GNAI1: variants seen among roughly 807,000 people sequenced by gnomAD.
The protein encoded by GNAI1 is G protein subunit alpha i1.
GNAI1 carries 11 observed loss-of-function variants against 38.9 expected under a neutral mutation model. That is an observed-to-expected ratio of 0.28 (90% CI 0.18 to 0.47). The LOEUF (loss-of-function observed/expected upper bound fraction) is 0.47, where lower values mean the gene tolerates loss of function less well. Among genes scored for constraint, GNAI1 ranks in the 20% least tolerant of loss-of-function variants. GNAI1 has a pLI of 0.99. For missense variants in GNAI1, 317 were observed against 436.9 expected (o/e 0.73, Z 2.45); for synonymous variants, 166 against 145.1 (o/e 1.14, Z -1.04).
At chr7:80,202,339 C>T (rs1051627174) in intron 4 of GNAI1, among the ~76,000 whole-genome samples, 6 of 152,134 alleles carry the variant, frequency 3.9e-5, no homozygotes, top group Admixed American at 1.3e-4. Context: ...CCGCCCACCT[C>T]GGCCTCACAA....
rs1358153971 is a variant in GNAI1 at position 80,135,326 on chromosome 7, C to T, written c.118+48C>T. ...CCGGGGGTCGGCGGGGGACCGGGTG[C>T]GGCGCTGCGCGGCCCTCGGCGTTTG... On this transcript the variant is annotated intron_variant, in intron 1 of 7. Transcript: ENST00000649796. 8 of 1,079,136 alleles carry T rather than the reference C, an allele frequency of 7.4e-6. No homozygotes were observed. In the South Asian group the frequency reaches 1.1e-4, roughly 15 times the overall value. 66.8% of individuals were successfully genotyped at this position (1,079,136 alleles called of 1,614,324 possible).
intron 1 of GNAI1, among the ~76,000 whole-genome samples, chr7:80,168,529 A>T (rs1788049671): frequency 1.3e-5 from 2 of 152,210 alleles, no homozygotes; most frequent in South Asian, 2.1e-4. Context: ...CTGGGACTAC[A>T]GGTGCCCGCC....
In GNAI1 at chr7:80,223,818, G is replaced by C. The variant is rs189811330; in HGVS notation, c.*6325G>C. 2.5e-3 allele frequency among the ~76,000 whole-genome samples: 379 copies of C among 152,254 alleles called. 1 individual carries two copies. In the Middle Eastern group the frequency reaches 0.027, roughly 11 times the overall value. On this transcript the variant is annotated 3_prime_UTR_variant, in exon 8 of 8. Coordinates refer to ENST00000649796, the MANE Select transcript of GNAI1 (RefSeq NM_002069.6). ...AACTTTTTTGCAGACTTGAGCATAC[G>C]TTTAAACCATTTAACCATTCTTGAA...
rs759678314 is a variant in GNAI1, at chr7:80,203,678, ATGT to A, written c.462-21_462-19del. ...TTTATTGGCTATATTTACCATTAAC[ATGT>A]TGTTTTGTTTAATTTTTTTCAGCTA... On this transcript the variant is annotated intron_variant, in intron 4 of 7. Transcript: ENST00000649796. 3.4e-6 allele frequency: 5 copies of A among 1,476,558 alleles called. No individual in the cohort carries two copies. The African/African-American group carries it at 5.6e-5, about 17-fold the overall frequency. 91.5% of individuals were successfully genotyped at this position (1,476,558 alleles called of 1,614,324 possible). A position where few individuals can be genotyped will look rare whatever the true frequency, so the allele number is the denominator to read the frequency against.
intron 1 of GNAI1, among the ~76,000 whole-genome samples, chr7:80,180,714 T>G (rs900554050): frequency 5.9e-5 from 9 of 152,290 alleles, no homozygotes; most frequent in Admixed American, 4.6e-4. Context: ...TGGATTTGTC[T>G]GCAGTTACGA....
chr7:80,221,610 TATTTTAATGTTAGGTTGGAA>T lies in GNAI1; in HGVS notation c.*4123_*4142del, dbSNP rs1789075464. ...GTAACCAATAGTATGAGAGAGTTTA[TATTTTAATGTTAGGTTGGAA>T]ATTTTCTTTTTTTTTTTTTTTTTTT... On this transcript the variant is annotated 3_prime_UTR_variant, in exon 8 of 8. Coordinates refer to ENST00000649796, the MANE Select transcript of GNAI1 (RefSeq NM_002069.6). Among the ~76,000 whole-genome samples, 1 of 151,382 alleles carries T rather than the reference TATTTTAATGTTAGGTTGGAA, an allele frequency of 6.6e-6. No homozygotes were observed. The highest frequency in any genetic ancestry group is 1.5e-5 in the Non-Finnish European group (1 of 67,900).
intron 1 of GNAI1, among the ~76,000 whole-genome samples, chr7:80,177,024 CTTT>C (rs569135086): frequency 5.4e-4 from 33 of 61,202 alleles, no homozygotes; most frequent in East Asian, 2.6e-3. Context: ...GACAGCATAT[CTTT>C]TTTTTTTTTT....
chr7:80,183,980 C>T (rs1179344200), intron 1 of GNAI1, among the ~76,000 whole-genome samples: 1 of 152,072 alleles, frequency 6.6e-6, no homozygotes, highest in African/African-American at 2.4e-5. Flanking sequence ...TGTGATGGTG[C>T]TCCTTTGTCC....
At chr7:80,173,023 T>C (rs1469301938) in intron 1 of GNAI1, among the ~76,000 whole-genome samples, 2 of 152,176 alleles carry the variant, frequency 1.3e-5, no homozygotes, top group African/African-American at 4.8e-5. Flanking sequence ...TTCCTAGCCT[T>C]TCTTGAAGCA....
chr7:80,150,726 A>G (rs1235812772), intron 1 of GNAI1, among the ~76,000 whole-genome samples: 1 of 152,204 alleles, frequency 6.6e-6, no homozygotes, highest in Non-Finnish European at 1.5e-5. Context: ...TATTTCGTAA[A>G]TAAACAGAAC....
chr7:80,135,346 C>A, intron 1 of GNAI1, 68 bp downstream of exon 1: 2 of 941,774 alleles, frequency 2.1e-6, no homozygotes, highest in Non-Finnish European at 2.9e-6. Context: ...CGGCCCTCGG[C>A]GTTTGGAAAC....
chr7:80,153,066 A>T (rs1166319029), intron 1 of GNAI1, among the ~76,000 whole-genome samples: 1 of 152,186 alleles, frequency 6.6e-6, no homozygotes, highest in Non-Finnish European at 1.5e-5. Context: ...TTTTAACATC[A>T]TTACTTTCCC....
chr7:80,200,884 C>A (rs1788675658), intron 4 of GNAI1, among the ~76,000 whole-genome samples: 1 of 152,162 alleles, frequency 6.6e-6, no homozygotes, highest in Admixed American at 6.5e-5. Context: ...AGAAATATTC[C>A]TTGACCCACT....
chr7:80,141,173 A>G (rs572210247), intron 1 of GNAI1, among the ~76,000 whole-genome samples: 93 of 152,300 alleles, frequency 6.1e-4, no homozygotes, highest in African/African-American at 2.2e-3. Context: ...ATCTTTGGGG[A>G]CCATTATTTT....
chr7:80,160,112 G>T (rs1326654666), intron 1 of GNAI1, among the ~76,000 whole-genome samples: 1 of 151,968 alleles, frequency 6.6e-6, no homozygotes, highest in Non-Finnish European at 1.5e-5. Context: ...TCTCTGGGAA[G>T]ATGTCTGCTT....
chr7:80,164,636 G>T (rs1449491304), intron 1 of GNAI1, among the ~76,000 whole-genome samples: 3 of 152,060 alleles, frequency 2.0e-5, no homozygotes, highest in African/African-American at 7.2e-5. Flanking sequence ...TTCTTTTTGA[G>T]TACTCACATT....
chr7:80,169,372 A>G lies in GNAI1; in HGVS notation c.119-19579A>G, dbSNP rs192672527. ...CTAGTATCATTTTAAAGTAATAGACATGTATCATTTTCTCATATCAAACAC... is the reference window on the plus strand; with the variant it reads ...CTAGTATCATTTTAAAGTAATAGACGTGTATCATTTTCTCATATCAAACAC... On this transcript the variant is annotated intron_variant, in intron 1 of 7. Coordinates refer to ENST00000649796, the MANE Select transcript of GNAI1 (RefSeq NM_002069.6). Among the ~76,000 whole-genome samples, 326 of 152,326 alleles carry G rather than the reference A, an allele frequency of 2.1e-3. 1 individual carries two copies. Among genetic ancestry groups the G allele is most frequent in the Middle Eastern group, 0.014 (4 of 294 alleles).
chr7:80,150,569 A>T (rs1406678571), intron 1 of GNAI1, among the ~76,000 whole-genome samples: 8 of 152,236 alleles, frequency 5.3e-5, no homozygotes, highest in African/African-American at 9.6e-5. Context: ...CATCAAATTC[A>T]GAGTGCTGGT....
chr7:80,146,042 A>T (rs890938876), intron 1 of GNAI1, among the ~76,000 whole-genome samples: 2 of 152,194 alleles, frequency 1.3e-5, no homozygotes, highest in Admixed American at 1.3e-4. Context: ...AGGTCAGCTC[A>T]GGCATTCCCT....
Sources: allele counts gnomAD v4.1 joint callset (sites outside exome capture counted in the v4.1 genomes callset), GRCh38; gene constraint gnomAD v4.1.1; transcripts MANE v1.5; gene names NCBI Gene and HGNC (gene_info 2026-07-23, HGNC 2026-07-21).